EYA2: variants seen among roughly 807,000 people sequenced by gnomAD.
EYA2 encodes the protein EYA transcriptional coactivator and phosphatase 2.
Under a neutral mutation model 69.2 loss-of-function variants are expected in EYA2, and 31 were observed. That is an observed-to-expected ratio of 0.45 (90% CI 0.34 to 0.60). The LOEUF (loss-of-function observed/expected upper bound fraction) is 0.60. EYA2 is among the 20% of genes least tolerant of loss of function. EYA2 has a pLI of 0.02. For missense variants in EYA2, 622 were observed against 701.2 expected (o/e 0.89, Z 1.28); for synonymous variants, 257 against 279.4 (o/e 0.92, Z 0.80).
chr20:46,984,155 G>A (rs1981023634), intron 1 of EYA2, among the ~76,000 whole-genome samples: 1 of 152,104 alleles, frequency 6.6e-6, no homozygotes, highest in Admixed American at 6.5e-5. Context: ...AAAATTCTAA[G>A]TGAATAGTTT....
chr20:47,049,648 A>G (rs2146431897), intron 5 of EYA2, among the ~76,000 whole-genome samples: 1 of 150,768 alleles, frequency 6.6e-6, no homozygotes. Flanking sequence ...GCCTTCCGCC[A>G]TGAGTAAAAG....
chr20:47,158,479 T>C (rs1369722700), intron 10 of EYA2, among the ~76,000 whole-genome samples: 1 of 150,624 alleles, frequency 6.6e-6, no homozygotes, highest in Non-Finnish European at 1.5e-5. Flanking sequence ...ATCACCCCAC[T>C]GCACTCCAGC....
chr20:47,072,912 T>C (rs2031369034), intron 6 of EYA2, among the ~76,000 whole-genome samples: 1 of 152,244 alleles, frequency 6.6e-6, no homozygotes, highest in African/African-American at 2.4e-5. Context: ...ATTTAACATA[T>C]TTAGATCTGA....
intron 5 of EYA2, among the ~76,000 whole-genome samples, chr20:47,053,945 C>T (rs1346169582): frequency 1.3e-5 from 2 of 151,862 alleles, no homozygotes; most frequent in African/African-American, 2.4e-5. Context: ...CATCCCAGCT[C>T]GGAACCTTAC....
intron 5 of EYA2, among the ~76,000 whole-genome samples, chr20:47,046,240 CTT>C (rs1487915042): frequency 6.6e-6 from 1 of 152,212 alleles, no homozygotes; most frequent in African/African-American, 2.4e-5. Flanking sequence ...GAGGGCTCGA[CTT>C]TCATGACCAA....
chr20:46,987,964 C>CTCTCTCTCTCTATATATATA (rs1555809797), intron 1 of EYA2, among the ~76,000 whole-genome samples: 3 of 11,276 alleles, frequency 2.7e-4, no homozygotes, highest in African/African-American at 8.3e-4. Context: ...CTCTCTCTCT[C>CTCTCTCTCTCTATATATATA]TATATATATA....
At chr20:46,953,381 T>G (rs919704925) in intron 1 of EYA2, among the ~76,000 whole-genome samples, 1 of 152,264 alleles carries the variant, frequency 6.6e-6, no homozygotes, top group African/African-American at 2.4e-5. Flanking sequence ...GAACAAAATC[T>G]TGGGGAATGG....
intron 9 of EYA2, among the ~76,000 whole-genome samples, chr20:47,128,268 A>G (rs942468333): frequency 1.3e-5 from 2 of 152,196 alleles, no homozygotes; most frequent in African/African-American, 4.8e-5. Flanking sequence ...TATCAAGTCC[A>G]GGAAATTAAA....
intron 1 of EYA2, among the ~76,000 whole-genome samples, chr20:46,977,343 G>A (rs959659334): frequency 6.6e-6 from 1 of 152,252 alleles, no homozygotes; most frequent in African/African-American, 2.4e-5. Context: ...AAAGGGCCAT[G>A]CAGTTCTTAT....
chr20:47,081,492 A>G (rs960634384), intron 7 of EYA2, among the ~76,000 whole-genome samples: 1 of 152,170 alleles, frequency 6.6e-6, no homozygotes, highest in Non-Finnish European at 1.5e-5. Flanking sequence ...AAATTGAAAT[A>G]AAAAGGCCGG....
chr20:47,043,117 A>C (rs1985172320), intron 5 of EYA2, among the ~76,000 whole-genome samples: 1 of 152,190 alleles, frequency 6.6e-6, no homozygotes, highest in Non-Finnish European at 1.5e-5. Flanking sequence ...AGCTGTGATA[A>C]AAGAATGTTC....
intron 11 of EYA2, among the ~76,000 whole-genome samples, chr20:47,171,388 TTTTTGTTTTG>T (rs374620038): frequency 2.3e-4 from 35 of 152,290 alleles, no homozygotes; most frequent in Middle Eastern, 3.4e-3. Context: ...CTTGTTTGTT[TTTTTGTTTTG>T]TTTTGTTTTG....
rs114120393 is a variant in EYA2, at chr20:46,940,301, G to C, written c.-11+45314G>C. On this transcript the variant is annotated intron_variant, in intron 1 of 15. Coordinates refer to ENST00000327619, the MANE Select transcript of EYA2 (RefSeq NM_005244.5). ...TTTTCACACATCAACTCACATAATA[G>C]TTGAGGTCCTCCCAGCCCTTGAGGT... is the stretch of plus-strand genomic sequence containing the variant. 7.9e-3 allele frequency among the ~76,000 whole-genome samples: 1,197 copies of C among 152,254 alleles called. 11 individuals are homozygous for C. The highest frequency in any genetic ancestry group is 0.026 in the African/African-American group (1,082 of 41,556).
chr20:47,070,717 G>A lies in EYA2; in HGVS notation c.416-1468G>A, dbSNP rs532240119. Among the ~76,000 whole-genome samples, 6 of 152,306 alleles carry A rather than the reference G, an allele frequency of 3.9e-5. No individual in the cohort carries two copies. In the South Asian group the frequency reaches 1.2e-3, roughly 32 times the overall value. ...GAAGAAAAATGTTCTAAAGATGAAT[G>A]ATGGTGATGAGTACCCAATAATGTG... On this transcript the variant is annotated intron_variant, in intron 5 of 15. Transcript: ENST00000327619.
At chr20:46,934,463 G>C (rs1600557874) in intron 1 of EYA2, among the ~76,000 whole-genome samples, 1 of 152,092 alleles carries the variant, frequency 6.6e-6, no homozygotes, top group Non-Finnish European at 1.5e-5. Context: ...CAGAATTCAA[G>C]GATTGACTCA....
intron 12 of EYA2, among the ~76,000 whole-genome samples, chr20:47,174,217 C>G (rs555150870): frequency 3.2e-4 from 48 of 152,312 alleles, no homozygotes; most frequent in African/African-American, 1.1e-3. Flanking sequence ...AGGGCCCCCT[C>G]CCTCCATTCC....
At chr20:47,103,583 C>A (rs1340241028) in intron 9 of EYA2, among the ~76,000 whole-genome samples, 3 of 152,214 alleles carry the variant, frequency 2.0e-5, no homozygotes, top group African/African-American at 7.2e-5. Context: ...ACACTTCCTT[C>A]TTCACAAGGC....
chr20:47,144,491 T>C (rs1042811312), intron 10 of EYA2, among the ~76,000 whole-genome samples: 1 of 152,170 alleles, frequency 6.6e-6, no homozygotes, highest in Non-Finnish European at 1.5e-5. Context: ...AGTAGAAATA[T>C]AAAGGTTATG....
intron 2 of EYA2, among the ~76,000 whole-genome samples, chr20:46,993,626 C>T (rs1981829835): frequency 6.6e-6 from 1 of 152,168 alleles, no homozygotes; most frequent in Admixed American, 6.5e-5. Flanking sequence ...CATAGAAAAC[C>T]CTATCCTCAT....
Sources: gnomAD v4.1 joint callset for allele counts (sites outside exome capture counted in the v4.1 genomes callset) on GRCh38, gnomAD v4.1.1 for gene constraint, MANE v1.5 for transcripts, NCBI Gene and HGNC (gene_info 2026-07-23, HGNC 2026-07-21) for gene names.